DIP2C: variants seen among roughly 807,000 people sequenced by gnomAD.
DIP2C encodes the protein disco-interacting protein 2 homolog C.
DIP2C carries 33 observed loss-of-function variants against 192.4 expected under a neutral mutation model. That is an observed-to-expected ratio of 0.17 (90% CI 0.13 to 0.23). The LOEUF is 0.23. Among genes scored for constraint, DIP2C ranks in the 10% least tolerant of loss-of-function variants. DIP2C has a pLI of 1.00. For synonymous variants in DIP2C, 979 were observed against 864.1 expected (o/e 1.13, Z -2.33); for missense variants, 1,537 against 2,110.1 (o/e 0.73, Z 5.32).
chr10:579,696 T>G (rs1326869689), intron 1 of DIP2C, among the ~76,000 whole-genome samples: 1 of 152,096 alleles, frequency 6.6e-6, no homozygotes, highest in Non-Finnish European at 1.5e-5. Flanking sequence ...ATAACATGTA[T>G]GTACACATAG....
At chr10:615,159 C>G (rs539021287) in intron 1 of DIP2C, among the ~76,000 whole-genome samples, 1 of 152,236 alleles carries the variant, frequency 6.6e-6, no homozygotes, top group Non-Finnish European at 1.5e-5. Flanking sequence ...GAGAGAGACA[C>G]AGGCTTCACT....
intron 29 of DIP2C, among the ~76,000 whole-genome samples, chr10:329,950 A>G (rs941009868): frequency 1.2e-4 from 17 of 146,690 alleles, no homozygotes; most frequent in African/African-American, 4.3e-4. Flanking sequence ...ATTTCGGTTT[A>G]AAAAAAAAAA....
At chr10:438,471 T>C (rs751590192) in intron 4 of DIP2C, among the ~76,000 whole-genome samples, 10 of 151,674 alleles carry the variant, frequency 6.6e-5, no homozygotes, top group Non-Finnish European at 1.5e-4. Flanking sequence ...ATTATAACCA[T>C]AAACTAAACA....
chr10:621,058 G>A (rs1054482724), intron 1 of DIP2C, among the ~76,000 whole-genome samples: 3 of 152,174 alleles, frequency 2.0e-5, no homozygotes, highest in Non-Finnish European at 4.4e-5. Flanking sequence ...TACCTGGAGA[G>A]GAAGAATCTG....
Position 586,419 on chromosome 10 carries a change from C to A in DIP2C, c.86-99889G>T, listed in dbSNP as rs72774565. Among the ~76,000 whole-genome samples, 877 of 152,298 alleles carry A rather than the reference C, an allele frequency of 5.8e-3. 15 individuals are homozygous for A. The highest frequency in any genetic ancestry group is 9.1e-3 in the Non-Finnish European group (620 of 68,036). Reference sequence around the variant, plus strand: ...TAGGGGCTTCCTCAGGGACCACCAACCTCACGCCACCACCCCTCACTACTT... The same window carrying A: ...TAGGGGCTTCCTCAGGGACCACCAAACTCACGCCACCACCCCTCACTACTT... On this transcript the variant is annotated intron_variant, in intron 1 of 36. Coordinates refer to ENST00000280886, the MANE Select transcript of DIP2C (RefSeq NM_014974.3).
At chr10:670,359 C>T (rs1043046951) in intron 1 of DIP2C, among the ~76,000 whole-genome samples, 1 of 152,138 alleles carries the variant, frequency 6.6e-6, no homozygotes, top group African/African-American at 2.4e-5. Flanking sequence ...CATACATACA[C>T]ATACACACAT....
chr10:663,226 A>C, intron 1 of DIP2C: 1 of 324,836 alleles, frequency 3.1e-6, no homozygotes, highest in Non-Finnish European at 5.6e-6. Flanking sequence ...AAGGATGCCA[A>C]CTAAATGAAT....
intron 31 of DIP2C, among the ~76,000 whole-genome samples, chr10:314,239 T>C (rs1383374890): frequency 2.6e-5 from 4 of 152,214 alleles, no homozygotes; most frequent in Non-Finnish European, 4.4e-5. Flanking sequence ...CCAGTGATCT[T>C]TTCAAAACCA....
intron 1 of DIP2C, among the ~76,000 whole-genome samples, chr10:656,450 T>C (rs61833028): frequency 0.032 from 4,945 of 152,310 alleles, 164 homozygotes; most frequent in African/African-American, 0.08. Context: ...GAGCCAGTTA[T>C]ACTTTCATAA....
Position 512,089 on chromosome 10 carries a change from G to GC in DIP2C, c.86-25560dup, listed in dbSNP as rs746760941. On this transcript the variant is annotated intron_variant, in intron 1 of 36. Transcript: ENST00000280886. ...TGCCTTCTTACAAAGGCATGAACGGGCCTCCTGCTCTTTGTAAATGTCAAC... is the reference window on the plus strand; with the variant it reads ...TGCCTTCTTACAAAGGCATGAACGGGCCCTCCTGCTCTTTGTAAATGTCAAC... Among the ~76,000 whole-genome samples, 52 of 152,322 alleles carry GC rather than the reference G, an allele frequency of 3.4e-4. 1 individual carries two copies. The highest frequency in any genetic ancestry group is 2.1e-3 in the East Asian group (11 of 5,176).
intron 22 of DIP2C, among the ~76,000 whole-genome samples, chr10:360,086 G>A (rs1428832105): frequency 6.6e-6 from 1 of 151,716 alleles, no homozygotes; most frequent in African/African-American, 2.4e-5. Flanking sequence ...GAGAGATCAG[G>A]CTTTTTGTGG....
intron 1 of DIP2C, among the ~76,000 whole-genome samples, chr10:525,508 AGG>A (rs1846997239): frequency 6.6e-6 from 1 of 152,240 alleles, no homozygotes; most frequent in East Asian, 1.9e-4. Context: ...AAAGTGTTTG[AGG>A]AAAAGTCTTT....
At chr10:614,354 G>A (rs1338625328) in intron 1 of DIP2C, among the ~76,000 whole-genome samples, 4 of 152,204 alleles carry the variant, frequency 2.6e-5, no homozygotes, top group Non-Finnish European at 4.4e-5. Flanking sequence ...CCCAGCCCCC[G>A]CCAGGCCTGG....
At chr10:579,515 A>G (rs551503319) in intron 1 of DIP2C, among the ~76,000 whole-genome samples, 6 of 152,158 alleles carry the variant, frequency 3.9e-5, no homozygotes, top group South Asian at 2.1e-4. Flanking sequence ...GTGTACATGC[A>G]GAGAGCATAC....
intron 1 of DIP2C, among the ~76,000 whole-genome samples, chr10:679,751 C>T (rs1436273725): frequency 5.3e-5 from 8 of 151,452 alleles, no homozygotes; most frequent in East Asian, 1.9e-4. Context: ...CTGTGCTCCC[C>T]ATGCCCATGA....
chr10:324,201 T>G (rs558533641), intron 31 of DIP2C, among the ~76,000 whole-genome samples: 1 of 152,134 alleles, frequency 6.6e-6, no homozygotes, highest in Admixed American at 6.5e-5. Flanking sequence ...TCACTGACTG[T>G]GAGAAATGTT....
At chr10:579,263 G>A (rs984129229) in intron 1 of DIP2C, among the ~76,000 whole-genome samples, 6 of 151,310 alleles carry the variant, frequency 4.0e-5, no homozygotes, top group Admixed American at 3.9e-4. Flanking sequence ...ATGTGTACAT[G>A]CATACAGCAT....
chr10:309,556 GTTTC>G (rs1242401207), intron 32 of DIP2C, among the ~76,000 whole-genome samples: 1 of 147,844 alleles, frequency 6.8e-6, no homozygotes, highest in Admixed American at 6.7e-5. Context: ...CTGCAACAGA[GTTTC>G]TTTTTTTTTT....
At chr10:365,046 C>G (rs1174690376) in intron 19 of DIP2C, 2 of 527,260 alleles carry the variant, frequency 3.8e-6, no homozygotes, top group Non-Finnish European at 7.8e-6. Flanking sequence ...ATTAAGGAAG[C>G]AAATCAGATC....
Sources: allele counts gnomAD v4.1 joint callset (sites outside exome capture counted in the v4.1 genomes callset), GRCh38; gene constraint gnomAD v4.1.1; transcripts MANE v1.5; gene names NCBI Gene and HGNC (gene_info 2026-07-23, HGNC 2026-07-21).